The following HM13 variants were observed in gnomAD, a reference collection of about 807,000 sequenced individuals.
HM13 encodes the protein histocompatibility minor 13.
A neutral mutation model predicts 50.0 loss-of-function variants in HM13; 18 were observed. The ratio of observed to expected loss-of-function variants is 0.36; its 90% confidence interval spans 0.25 to 0.53. The LOEUF (loss-of-function observed/expected upper bound fraction) is 0.53. HM13 is among the 20% of genes least tolerant of loss of function. The pLI, the probability that HM13 is intolerant of heterozygous loss-of-function variation, is 0.90. For missense variants in HM13, 393 were observed against 552.4 expected, an observed-to-expected ratio of 0.71 and a Z score of 2.89; for synonymous variants, 197 against 232.6, an observed-to-expected ratio of 0.85 and a Z score of 1.39.
intron 1 of HM13, among the ~76,000 whole-genome samples, chr20:31,518,571 G>A (rs536443817): frequency 2.6e-4 from 40 of 151,646 alleles, no homozygotes; most frequent in East Asian, 2.4e-3. Flanking sequence ...GCTTGAACCC[G>A]GGAGGCACAG....
At chr20:31,550,866 C>T (rs973568102) in intron 7 of HM13, among the ~76,000 whole-genome samples, 2 of 152,076 alleles carry the variant, frequency 1.3e-5, no homozygotes, top group Non-Finnish European at 2.9e-5. Context: ...GTCCTAGCTA[C>T]TTGGGAGGAT....
intron 2 of HM13, among the ~76,000 whole-genome samples, chr20:31,536,900 CTG>C (rs1983145762): frequency 6.6e-6 from 1 of 152,238 alleles, no homozygotes; most frequent in Admixed American, 6.5e-5. Flanking sequence ...ATACATGTAA[CTG>C]TTTCTTTCGA....
rs1481635399 is a variant in HM13, at chr20:31,514,773, T to C, written c.183+39T>C. 7.4e-6 allele frequency: 11 copies of C among 1,479,478 alleles called. No homozygotes were observed. The highest frequency in any genetic ancestry group is 9.9e-6 in the Non-Finnish European group (11 of 1,115,388). 91.6% of individuals were successfully genotyped at this position (1,479,478 alleles called of 1,614,324 possible). A position where few individuals can be genotyped will look rare whatever the true frequency, so the allele number is the denominator to read the frequency against. ...GAAAACCGGGCACTTTCCACCCCCA[T>C]ACCGAACACGGCCGACATGGACCCT... On this transcript the variant is annotated intron_variant, in intron 1 of 12. Coordinates refer to ENST00000398174, the MANE Select transcript of HM13 (RefSeq NM_178581.3). This position sits in a 1 kb window ranked among gnomAD's most constrained non-coding sequence, Gnocchi z 4.3.
intron 4 of HM13, 42 bp downstream of exon 4, chr20:31,545,077 C>T (rs141206677): frequency 2.8e-6 from 4 of 1,442,184 alleles, no homozygotes; most frequent in Non-Finnish European, 3.9e-6. Context: ...CCTTGGGTGT[C>T]TTCCTCCACC....
chr20:31,527,088 C>T (rs1482570601), intron 1 of HM13, among the ~76,000 whole-genome samples: 1 of 152,188 alleles, frequency 6.6e-6, no homozygotes, highest in African/African-American at 2.4e-5. Context: ...TACCTGTAAT[C>T]CCAGCACTTT....
intron 9 of HM13, 146 bp from the exon 10 acceptor site, chr20:31,561,488 G>C: frequency 1.5e-6 from 1 of 651,732 alleles, no homozygotes. Flanking sequence ...CAGTATCAGC[G>C]TGCACACCCA....
Position 31,514,754 on chromosome 20 carries a change from C to T in HM13, c.183+20C>T, listed in dbSNP as rs1243427410. The stretch of plus-strand genomic sequence containing the variant: ...GGCAAGGTAGGGTCAGCGGGAAAAC[C>T]GGGCACTTTCCACCCCCATACCGAA... On this transcript the variant is annotated intron_variant, in intron 1 of 12. Transcript: ENST00000398174. This position sits in a 1 kb window ranked among gnomAD's most constrained non-coding sequence, Gnocchi z 4.3. 2.7e-6 allele frequency: 4 copies of T among 1,506,306 alleles called. No homozygotes were observed. The highest frequency in any genetic ancestry group is 2.1e-5 in the Admixed American group (1 of 47,864). 93.3% of individuals were successfully genotyped at this position (1,506,306 alleles called of 1,614,324 possible). A position where few individuals can be genotyped will look rare whatever the true frequency, so the allele number is the denominator to read the frequency against.
chr20:31,562,766 G>A (rs781330629), intron 10 of HM13: 9 of 152,152 alleles, frequency 5.9e-5, no homozygotes, highest in Non-Finnish European at 1.2e-4. Context: ...TTTATAGAAG[G>A]TCAAAAGGCC....
intron 10 of HM13, chr20:31,562,733 A>G (rs1027601916): frequency 6.6e-6 from 1 of 152,134 alleles, no homozygotes; most frequent in Non-Finnish European, 1.5e-5. Context: ...CTAATAACTC[A>G]TTTAGTCCTA....
intron 3 of HM13, among the ~76,000 whole-genome samples, chr20:31,542,710 G>T (rs927800130): frequency 2.6e-5 from 4 of 152,144 alleles, no homozygotes; most frequent in South Asian, 2.1e-4. Context: ...TCTTTTCTTG[G>T]AATAACAAAG....
chr20:31,519,373 T>G (rs1448810650), intron 1 of HM13, among the ~76,000 whole-genome samples: 2 of 152,368 alleles, frequency 1.3e-5, no homozygotes, highest in African/African-American at 4.8e-5. Context: ...AGTGCTGGGA[T>G]TACAGGCGTG....
chr20:31,532,222 C>T (rs146367463), intron 2 of HM13, among the ~76,000 whole-genome samples: 3 of 151,852 alleles, frequency 2.0e-5, no homozygotes, highest in Admixed American at 1.3e-4. Context: ...GTCAGGAGAT[C>T]GAGACCATCC....
At chr20:31,523,113 C>T (rs557866438) in intron 1 of HM13, among the ~76,000 whole-genome samples, 5 of 150,594 alleles carry the variant, frequency 3.3e-5, no homozygotes, top group African/African-American at 9.9e-5. Flanking sequence ...TTCAGTGGCA[C>T]GATCCCCACT....
intron 11 of HM13, 161 bp from the exon 12 acceptor site, chr20:31,567,917 C>A: frequency 1.5e-6 from 1 of 648,242 alleles, no homozygotes; most frequent in Non-Finnish European, 2.6e-6. Context: ...TTTTTTCATT[C>A]TCCAAATAAT....
Position 31,569,108 on chromosome 20 carries a change from T to C in HM13, c.1182-12T>C, listed in dbSNP as rs1396617438. 3.3e-6 allele frequency: 5 copies of C among 1,506,412 alleles called. No homozygotes were observed. The highest frequency in any genetic ancestry group is 1.3e-5 in the South Asian group (1 of 78,468). 93.3% of individuals were successfully genotyped at this position (1,506,412 alleles called of 1,614,324 possible). A position where few individuals can be genotyped will look rare whatever the true frequency, so the allele number is the denominator to read the frequency against. On this transcript the variant is annotated splice_polypyrimidine_tract_variant and intron_variant, in intron 12 of 12. Coordinates refer to ENST00000398174, the MANE Select transcript of HM13 (RefSeq NM_178581.3). ...AATGAATTTTTATTGTTGTTTTTTT[T>C]TTTTTGGTCAGTTATGAGGAGTCAA...
intron 1 of HM13, among the ~76,000 whole-genome samples, chr20:31,520,594 G>C (rs1368958053): frequency 2.0e-5 from 3 of 152,162 alleles, no homozygotes; most frequent in Non-Finnish European, 4.4e-5. Context: ...GTGAGCCACT[G>C]TGCCTGGCTT....
intron 1 of HM13, among the ~76,000 whole-genome samples, chr20:31,518,037 A>ATT (rs560265548): frequency 7.1e-6 from 1 of 141,532 alleles, no homozygotes. Context: ...CTACAACTTG[A>ATT]TTTTTTTTTT....
At chr20:31,553,948 A>G (rs1277621286) in intron 7 of HM13, among the ~76,000 whole-genome samples, 1 of 152,090 alleles carries the variant, frequency 6.6e-6, no homozygotes. Flanking sequence ...TTTCTTTTAT[A>G]TACTGGGCTT....
chr20:31,523,043 T>TTG (rs1555838855), intron 1 of HM13, among the ~76,000 whole-genome samples: 5,450 of 134,730 alleles, frequency 0.04, 459 homozygotes, highest in African/African-American at 0.15. Flanking sequence ...GGGTTTTTTT[T>TTG]GGGAGGGGGG....
Sources: gnomAD v4.1 joint callset for allele counts (sites outside exome capture counted in the v4.1 genomes callset) on GRCh38, gnomAD v4.1.1 for gene constraint, Gnocchi (gnomAD v3.1) non-coding constraint, MANE v1.5 for transcripts, NCBI Gene and HGNC (gene_info 2026-07-23, HGNC 2026-07-21) for gene names.